The following NPSR1 variants were observed in gnomAD, a reference collection of about 807,000 sequenced individuals.
The protein encoded by NPSR1 is neuropeptide S receptor.
In NPSR1, 48 loss-of-function variants were observed where a neutral mutation model predicts 46.9. The ratio of observed to expected loss-of-function variants is 1.02; its 90% CI spans 0.81 to 1.30. The LOEUF is 1.30. Ranked by LOEUF, NPSR1 falls within the 50% of genes most tolerant of loss-of-function variation. The probability of loss-of-function intolerance (pLI) is 0.00; values close to 1 mark genes in which losing one functional copy is unlikely to be tolerated. For missense variants in NPSR1, 450 were observed against 449.5 expected, an observed-to-expected ratio of 1.00 and a Z score of -0.01; for synonymous variants, 176 against 168.1, an observed-to-expected ratio of 1.05 and a Z score of -0.36.
At chr7:34,789,258 G>C (rs1464838950) in intron 3 of NPSR1, among the ~76,000 whole-genome samples, 1 of 151,194 alleles carries the variant, frequency 6.6e-6, no homozygotes, top group Non-Finnish European at 1.5e-5. Context: ...GAAGAGTCAG[G>C]GTTTCCCTTT....
At chr7:34,865,059 C>T (rs1791281006) in intron 8 of NPSR1, among the ~76,000 whole-genome samples, 1 of 151,826 alleles carries the variant, frequency 6.6e-6, no homozygotes, top group Non-Finnish European at 1.5e-5. Flanking sequence ...ACACCCTCCC[C>T]TCATTTGCAA....
At chr7:34,742,123 G>A (rs146305178) in intron 2 of NPSR1, among the ~76,000 whole-genome samples, 5 of 149,304 alleles carry the variant, frequency 3.3e-5, no homozygotes, top group African/African-American at 1.2e-4. Context: ...GGATTTTTTA[G>A]TTTCATCATC....
intron 5 of NPSR1, among the ~76,000 whole-genome samples, chr7:34,831,385 T>C (rs1397430799): frequency 6.6e-6 from 1 of 151,774 alleles, no homozygotes; most frequent in Admixed American, 6.6e-5. Context: ...TTTCTGGCTA[T>C]CTAATGCCTA....
rs193058732 is a variant in NPSR1 at position 34,766,303 on chromosome 7, G to A, written c.281-12159G>A. The stretch of plus-strand genomic sequence containing the variant: ...AAACTGCTGGGCAGTTTTTTATGAA[G>A]TTAAACATATATTTACTTACTCTGT... On this transcript the variant is annotated intron_variant, in intron 2 of 8. Transcript: ENST00000360581. Among the ~76,000 whole-genome samples the A allele has an allele frequency of 7.4e-4, 112 of 152,146 alleles. 1 individual carries two copies. The highest frequency in any genetic ancestry group is 2.6e-3 in the African/African-American group (108 of 41,504).
At chr7:34,768,584 T>C (rs533227409) in intron 2 of NPSR1, 64 of 152,288 alleles carry the variant, frequency 4.2e-4, no homozygotes, top group Non-Finnish European at 8.4e-4. Flanking sequence ...CTGATAACAA[T>C]AGCACAAAGT....
intron 2 of NPSR1, among the ~76,000 whole-genome samples, chr7:34,732,176 G>A (rs776345663): frequency 6.6e-6 from 1 of 151,924 alleles, no homozygotes; most frequent in African/African-American, 2.4e-5. Context: ...ACAGGGCTCC[G>A]GTTGAAGTTC....
At chr7:34,732,310 G>A (rs1242262454) in intron 2 of NPSR1, among the ~76,000 whole-genome samples, 1 of 152,182 alleles carries the variant, frequency 6.6e-6, no homozygotes, top group Non-Finnish European at 1.5e-5. Flanking sequence ...CAGGTCATGA[G>A]TGTACCTTCT....
At chr7:34,862,045 A>G (rs1167678173) in intron 8 of NPSR1, among the ~76,000 whole-genome samples, 1 of 151,786 alleles carries the variant, frequency 6.6e-6, no homozygotes, top group Non-Finnish European at 1.5e-5. Context: ...CAACCATTGC[A>G]CCTGCACCCT....
Position 34,834,602 on chromosome 7 carries a change from A to G in NPSR1, c.757+142A>G, listed in dbSNP as rs11486758. The G allele has an allele frequency of 2.4e-5, 16 of 660,200 alleles. No homozygotes were observed. The African/African-American group carries it at 2.9e-4, about 12-fold the overall frequency. 40.9% of individuals were successfully genotyped at this position (660,200 alleles called of 1,614,324 possible). On this transcript the variant is annotated intron_variant, in intron 6 of 8. Transcript: ENST00000360581. Reference sequence around the variant, plus strand: ...ACCCAGCCGGCAGACCAGACCCACCAAAGGCTGTCACAGGCGGGCTCTGTC... The same window carrying G: ...ACCCAGCCGGCAGACCAGACCCACCGAAGGCTGTCACAGGCGGGCTCTGTC...
chr7:34,759,681 A>T (rs1469420084), intron 2 of NPSR1, among the ~76,000 whole-genome samples: 1 of 152,118 alleles, frequency 6.6e-6, no homozygotes, highest in African/African-American at 2.4e-5. Context: ...ACTGAAACTG[A>T]CCTAGAAATG....
chr7:34,772,084 GTTTTA>G (rs1191271461), intron 2 of NPSR1, among the ~76,000 whole-genome samples: 2 of 152,098 alleles, frequency 1.3e-5, no homozygotes, highest in East Asian at 3.9e-4. Flanking sequence ...CAAAATAAAA[GTTTTA>G]TTTTGTTTTG....
intron 2 of NPSR1, chr7:34,750,766 C>T (rs760386469): frequency 3.7e-5 from 26 of 693,920 alleles, no homozygotes; most frequent in Admixed American, 1.3e-4. Flanking sequence ...GCAGCTGTGA[C>T]ACACAGTAGG....
chr7:34,710,221 C>T (rs1783207794), intron 2 of NPSR1, among the ~76,000 whole-genome samples: 1 of 152,182 alleles, frequency 6.6e-6, no homozygotes, highest in African/African-American at 2.4e-5. Context: ...CTGACCAAAT[C>T]TGAAAAGTTG....
intron 2 of NPSR1, among the ~76,000 whole-genome samples, chr7:34,714,969 C>T (rs577067048): frequency 1.3e-5 from 2 of 152,224 alleles, no homozygotes; most frequent in African/African-American, 4.8e-5. Context: ...ACATCCCAGG[C>T]TGGTATACTT....
intron 1 of NPSR1, among the ~76,000 whole-genome samples, chr7:34,673,491 G>A (rs1792161685): frequency 6.6e-6 from 1 of 152,152 alleles, no homozygotes; most frequent in South Asian, 2.1e-4. Flanking sequence ...TACTACATGG[G>A]AGTTCACAGA....
At chr7:34,767,679 A>C (rs1462358681) in intron 2 of NPSR1, among the ~76,000 whole-genome samples, 1 of 152,196 alleles carries the variant, frequency 6.6e-6, no homozygotes, top group Non-Finnish European at 1.5e-5. Flanking sequence ...CAGAAGGAGA[A>C]GAGAGAATGG....
At chr7:34,862,461 T>A (rs1465495951) in intron 8 of NPSR1, among the ~76,000 whole-genome samples, 1 of 151,810 alleles carries the variant, frequency 6.6e-6, no homozygotes, top group Non-Finnish European at 1.5e-5. Context: ...ACTCTCTATG[T>A]TACTTCTCTT....
At chr7:34,747,243 C>A (rs1283090242) in intron 2 of NPSR1, among the ~76,000 whole-genome samples, 1 of 152,082 alleles carries the variant, frequency 6.6e-6, no homozygotes, top group African/African-American at 2.4e-5. Flanking sequence ...ACATCACAAG[C>A]AAGGGCATCT....
At chr7:34,679,547 A>G (rs1562646386) in intron 1 of NPSR1, among the ~76,000 whole-genome samples, 2 of 152,300 alleles carry the variant, frequency 1.3e-5, no homozygotes, top group Admixed American at 1.3e-4. Flanking sequence ...AAGCGAAACT[A>G]CATATAATAA....
Sources: allele counts gnomAD v4.1 joint callset (sites outside exome capture counted in the v4.1 genomes callset), GRCh38; gene constraint gnomAD v4.1.1; transcripts MANE v1.5; gene names NCBI Gene and HGNC (gene_info 2026-07-23, HGNC 2026-07-21).